LIPH: variants seen among roughly 807,000 people sequenced by gnomAD.
LIPH encodes the protein lipase H.
A neutral mutation model predicts 47.6 loss-of-function variants in LIPH; 32 were observed. The observed-to-expected ratio is 0.67, with a 90% CI of 0.51 to 0.90. The LOEUF is 0.90. LIPH is among the 40% of genes least tolerant of loss of function. The probability of loss-of-function intolerance (pLI) is 0.00; values close to 1 mark genes in which losing one functional copy is unlikely to be tolerated. For synonymous variants in LIPH, 190 were observed against 195.6 expected, an observed-to-expected ratio of 0.97 and a Z score of 0.24; for missense variants, 497 against 541.4, an observed-to-expected ratio of 0.92 and a Z score of 0.81.
At chr3:185,546,244 C>T (rs746796454) in intron 1 of LIPH, among the ~76,000 whole-genome samples, 25 of 149,928 alleles carry the variant, frequency 1.7e-4, no homozygotes, top group Admixed American at 2.7e-4. Flanking sequence ...CCCAGCTACT[C>T]GGGAGGCTGA....
rs776190075 is a variant in LIPH, at chr3:185,527,540, T to C, written c.572A>G (p.Asp191Gly). Residue 191 changes from aspartate to glycine, a missense_variant, in exon 4 of 10, where the codon GAC becomes GGC. Asp to Gly is a moderately conservative substitution (Grantham distance 94). Transcript: ENST00000296252. ...CTGCGCATCACTGGGATCTAATCTG[T>C]CTTGGTGAGGTTTCCCGTTGAATAA... ...GPLFNGKPHQ[D>G]RLDPSDAQFV... 1.2e-6 allele frequency: 2 copies of C among 1,612,852 alleles called. No homozygotes were observed. Among genetic ancestry groups the C allele is most frequent in the Admixed American group, 3.3e-5 (2 of 59,796 alleles).
chr3:185,527,376 A>T, intron 4 of LIPH, 108 bp downstream of exon 4: 1 of 862,408 alleles, frequency 1.2e-6, no homozygotes, highest in East Asian at 2.4e-5. Context: ...TGGAAAAAAA[A>T]GTTAGAATCT....
rs13342930 is a variant in LIPH, at chr3:185,511,264, A to G, written c.1268+260T>C. Among the ~76,000 whole-genome samples, 63,317 of 151,086 alleles carry G rather than the reference A, an allele frequency of 0.42. 13,442 individuals carry two copies. The highest frequency in any genetic ancestry group is 0.48 in the Middle Eastern group (139 of 292). ...CTTTTTTTGTAGAGACAGGGTCTCC[A>G]TACGTTGCCCAGGCTGGCTAGAACT... On this transcript the variant is annotated intron_variant, in intron 9 of 9. Coordinates refer to ENST00000296252, the MANE Select transcript of LIPH (RefSeq NM_139248.3).
rs1577682116 is a variant in LIPH, at chr3:185,535,005, G to A, written c.177C>T (p.Ser59=). 6.2e-7 allele frequency: 1 copy of A among 1,613,822 alleles called. No homozygotes were observed. Among genetic ancestry groups the A allele is most frequent in the Non-Finnish European group, 8.5e-7 (1 of 1,179,862 alleles). Reference sequence around the variant, plus strand: ...TCACATTCAAGTTCCCAAAAGCTGAGGAGTTGATGGTTTGTGCGCAGGTCA... The same window carrying A: ...TCACATTCAAGTTCCCAAAAGCTGAAGAGTTGATGGTTTGTGCGCAGGTCA... The part of the protein sequence containing the change: ...KNLTCAQTIN[S]SAFGNLNVTK... Residue 59 remains serine, a synonymous_variant, in exon 2 of 10, where the codon TCC becomes TCT. Transcript: ENST00000296252.
intron 1 of LIPH, among the ~76,000 whole-genome samples, chr3:185,540,061 C>A (rs1178821208): frequency 6.6e-6 from 1 of 152,184 alleles, no homozygotes; most frequent in African/African-American, 2.4e-5. Context: ...CTCTTCCTAC[C>A]CAACTTTTCC....
Position 185,535,112 on chromosome 3 carries a change from A to G in LIPH, c.70T>C (p.Ser24Pro), listed in dbSNP as rs1291163973. ...CTGTGAAAGCTCAGCCTGGTGAATG[A>G]AGGACATGTTTCTTCTGCGTCTGAA... is the stretch of plus-strand genomic sequence containing the variant. The part of the protein sequence containing the change: ...SRSDAEETCP[S>P]FTRLSFHSAV... The change falls in exon 2 of 10, where the codon TCA (serine) becomes CCA (proline). Residue 24 changes from serine to proline, a missense_variant. Physicochemically the swap from Ser to Pro is moderately conservative, Grantham distance 74. Transcript: ENST00000296252. 6.2e-7 allele frequency: 1 copy of G among 1,614,178 alleles called. No individual in the cohort carries two copies. The highest frequency in any genetic ancestry group is 1.7e-5 in the Admixed American group (1 of 60,012).
At chr3:185,545,409 T>G (rs1472553761) in intron 1 of LIPH, among the ~76,000 whole-genome samples, 1 of 152,242 alleles carries the variant, frequency 6.6e-6, no homozygotes, top group African/African-American at 2.4e-5. Context: ...GATGTTTTCT[T>G]GCAATTTAAT....
chr3:185,508,973 G>A (rs1172797955), intron 9 of LIPH, 96 bp from the exon 10 acceptor site: 8 of 837,558 alleles, frequency 9.6e-6, no homozygotes, highest in Non-Finnish European at 1.6e-5. Context: ...AAATTATTTA[G>A]CAATTGTTTT....
chr3:185,542,339 C>T (rs1168661973), intron 1 of LIPH, among the ~76,000 whole-genome samples: 2 of 149,064 alleles, frequency 1.3e-5, no homozygotes, highest in South Asian at 2.1e-4. Flanking sequence ...TTTTTTGAGA[C>T]GGAGTTTTGC....
chr3:185,550,989 A>G (rs1228032344), intron 1 of LIPH, among the ~76,000 whole-genome samples: 1 of 152,168 alleles, frequency 6.6e-6, no homozygotes, highest in Non-Finnish European at 1.5e-5. Flanking sequence ...ATCCTGGCCA[A>G]CGTGGTGAAA....
intron 2 of LIPH, 91 bp downstream of exon 2, chr3:185,534,674 C>T: frequency 7.3e-7 from 1 of 1,365,256 alleles, no homozygotes; most frequent in Non-Finnish European, 1.0e-6. Context: ...ATATAGGCCT[C>T]CTGCTCACTG....
At chr3:185,517,910 T>A (rs1719781698) in intron 6 of LIPH, among the ~76,000 whole-genome samples, 1 of 152,202 alleles carries the variant, frequency 6.6e-6, no homozygotes, top group African/African-American at 2.4e-5. Flanking sequence ...ATATCTGTAC[T>A]AATCCCTAGC....
Position 185,509,919 on chromosome 3 carries a change from G to T in LIPH, c.1269-1042C>A, listed in dbSNP as rs147027934. 6.7e-3 allele frequency among the ~76,000 whole-genome samples: 1,000 copies of T among 149,876 alleles called. 8 individuals carry two copies. Among genetic ancestry groups the T allele is most frequent in the Non-Finnish European group, 8.5e-3 (578 of 67,614 alleles). ...AACTTGTACTATTAAATGTTTTAAG[G>T]TACCCTAAACTTTCTTTTTTTGTTT... On this transcript the variant is annotated intron_variant, in intron 9 of 9. Transcript: ENST00000296252.
At chr3:185,552,367 A>G in intron 1 of LIPH, 56 bp downstream of exon 1, 1 of 1,210,038 alleles carries the variant, frequency 8.3e-7, no homozygotes, top group Non-Finnish European at 1.2e-6. Context: ...CAAAATGACA[A>G]CACAACTAAT....
chr3:185,524,190 T>A (rs1157649108), intron 4 of LIPH, 30 bp from the exon 5 acceptor site: 2 of 1,337,116 alleles, frequency 1.5e-6, no homozygotes, highest in Admixed American at 1.7e-5. Context: ...GCTTTTATAC[T>A]CCTTTGAATT....
At chr3:185,516,219 G>A (rs1719726033) in intron 7 of LIPH, among the ~76,000 whole-genome samples, 1 of 152,140 alleles carries the variant, frequency 6.6e-6, no homozygotes, top group Non-Finnish European at 1.5e-5. Context: ...GATCACCTGA[G>A]GTCAGGAGTT....
Position 185,545,539 on chromosome 3 carries a change from T to G in LIPH, c.49+6884A>C, listed in dbSNP as rs546749127. 3.9e-5 allele frequency among the ~76,000 whole-genome samples: 6 copies of G among 152,188 alleles called. No individual in the cohort carries two copies. The South Asian group carries it at 6.2e-4, about 16-fold the overall frequency. ...TAATGGCCCATAAAGCTGAAAATAT[T>G]TACTCTCTGGCTCTTTACAGAAAAT... On this transcript the variant is annotated intron_variant, in intron 1 of 9. Coordinates refer to ENST00000296252, the MANE Select transcript of LIPH (RefSeq NM_139248.3).
At chr3:185,512,465 A>G (rs1238221255) in intron 8 of LIPH, among the ~76,000 whole-genome samples, 7 of 150,702 alleles carry the variant, frequency 4.6e-5, no homozygotes, top group South Asian at 2.1e-4. Context: ...TGGGAACAGA[A>G]GGCTTGCTCT....
chr3:185,525,448 A>G (rs1280109484), intron 4 of LIPH, among the ~76,000 whole-genome samples: 1 of 152,136 alleles, frequency 6.6e-6, no homozygotes, highest in Admixed American at 6.6e-5. Context: ...TCACAATGCA[A>G]AGTGGCCACT....
Sources: gnomAD v4.1 joint callset for allele counts (sites outside exome capture counted in the v4.1 genomes callset) on GRCh38, gnomAD v4.1.1 for gene constraint, MANE v1.5 for transcripts, NCBI Gene and HGNC (gene_info 2026-07-23, HGNC 2026-07-21) for gene names.